Variants in TMEM178B observed in about 807,000 individuals in gnomAD.
TMEM178B encodes the protein transmembrane protein 178B.
In TMEM178B, 5 loss-of-function variants were observed where a neutral mutation model predicts 31.0. The observed-to-expected ratio is 0.16, with a 90% CI of 0.08 to 0.34. TMEM178B has a LOEUF of 0.34. Among genes scored for constraint, TMEM178B ranks in the 10% least tolerant of loss-of-function variants. TMEM178B has a pLI of 1.00. For synonymous variants in TMEM178B, 164 were observed against 164.0 expected, an observed-to-expected ratio of 1.00 and a Z score of 0.00; for missense variants, 275 against 400.3, an observed-to-expected ratio of 0.69 and a Z score of 2.67.
chr7:141,372,185 A>C (rs1319900033), intron 2 of TMEM178B, among the ~76,000 whole-genome samples: 2 of 152,146 alleles, frequency 1.3e-5, no homozygotes. Flanking sequence ...AATGACTTCC[A>C]CATTGCTAAT....
chr7:141,501,842 C>G, the TMEM178B span, among the ~76,000 whole-genome samples: 1 of 148,462 alleles, frequency 6.7e-6, no homozygotes, highest in South Asian at 2.1e-4. Flanking sequence ...GAATCAGTCT[C>G]TCATGCTCTC....
intron 2 of TMEM178B, among the ~76,000 whole-genome samples, chr7:141,315,855 A>G (rs1798995905): frequency 6.6e-6 from 1 of 152,192 alleles, no homozygotes; most frequent in Admixed American, 6.5e-5. Flanking sequence ...TCAAAGAGCT[A>G]TTTTACAAAC....
At chr7:141,441,286 C>T (rs1801652025) in intron 3 of TMEM178B, among the ~76,000 whole-genome samples, 2 of 152,350 alleles carry the variant, frequency 1.3e-5, no homozygotes, top group South Asian at 4.1e-4. Context: ...AGCACCACCC[C>T]TCTCAGAACC....
chr7:141,272,983 C>T (rs1206490955), intron 2 of TMEM178B, among the ~76,000 whole-genome samples: 2 of 152,132 alleles, frequency 1.3e-5, no homozygotes, highest in Admixed American at 6.6e-5. Context: ...TCCATCAATG[C>T]ATGAATAAAG....
At chr7:141,113,384 A>G (rs935886777) in intron 1 of TMEM178B, among the ~76,000 whole-genome samples, 5 of 152,164 alleles carry the variant, frequency 3.3e-5, no homozygotes, top group Admixed American at 6.5e-5. Context: ...CTTGCACACC[A>G]TCAGACTTGA....
intron 2 of TMEM178B, among the ~76,000 whole-genome samples, chr7:141,418,593 A>G (rs1196160410): frequency 6.6e-6 from 1 of 152,066 alleles, no homozygotes; most frequent in Non-Finnish European, 1.5e-5. Context: ...TTTGCCCTAC[A>G]CTTTTAGGTC....
At chr7:141,288,195 CTT>C (rs35802402) in intron 2 of TMEM178B, among the ~76,000 whole-genome samples, 14,825 of 149,634 alleles carry the variant, frequency 0.099, 1,076 homozygotes, top group African/African-American at 0.2. Flanking sequence ...TGCCTCTACT[CTT>C]TTTTTTTTTC....
chr7:141,186,002 T>A (rs950665752), intron 1 of TMEM178B, among the ~76,000 whole-genome samples: 1 of 152,212 alleles, frequency 6.6e-6, no homozygotes, highest in East Asian at 1.9e-4. Flanking sequence ...TCTCTCCTTT[T>A]GAAACTTCAA....
intron 1 of TMEM178B, among the ~76,000 whole-genome samples, chr7:141,128,997 A>G (rs1384009042): frequency 6.6e-6 from 1 of 152,240 alleles, no homozygotes; most frequent in African/African-American, 2.4e-5. Context: ...TAAATTAAAA[A>G]TTAGAGTCTA....
intron 1 of TMEM178B, among the ~76,000 whole-genome samples, chr7:141,103,895 G>T (rs1379468625): frequency 1.3e-5 from 2 of 152,106 alleles, no homozygotes; most frequent in Non-Finnish European, 2.9e-5. Flanking sequence ...AAGAAAACAG[G>T]GTTGATTGGA....
intron 2 of TMEM178B, among the ~76,000 whole-genome samples, chr7:141,222,048 G>T (rs528993942): frequency 6.6e-6 from 1 of 150,508 alleles, no homozygotes; most frequent in Admixed American, 6.6e-5. Flanking sequence ...GGTCAGAGAA[G>T]GGTCAGGGCA....
rs760739230 is a variant in TMEM178B, at chr7:141,115,116, C to T, written c.382+40424C>T. On this transcript the variant is annotated intron_variant, in intron 1 of 3. Coordinates refer to ENST00000565468, the MANE Select transcript of TMEM178B (RefSeq NM_001195278.2). Reference sequence around the variant, plus strand: ...GGAATGCAGTGGCGTGATCTTGGCTCACTGCAACCTCCGCCTCCTGGGTTC... The same window carrying T: ...GGAATGCAGTGGCGTGATCTTGGCTTACTGCAACCTCCGCCTCCTGGGTTC... 2.6e-5 allele frequency among the ~76,000 whole-genome samples: 4 copies of T among 152,216 alleles called. No homozygotes were observed. The East Asian group carries it at 7.7e-4, about 29-fold the overall frequency.
the TMEM178B span, among the ~76,000 whole-genome samples, chr7:141,504,396 T>A: frequency 1.3e-4 from 20 of 152,206 alleles, no homozygotes; most frequent in Non-Finnish European, 2.9e-4. Context: ...ACAATTTAAC[T>A]GGTCATTTTA....
In TMEM178B at chr7:141,299,008, G is replaced by A. The variant is rs554551950; in HGVS notation, c.496+86304G>A. 2.6e-5 allele frequency among the ~76,000 whole-genome samples: 4 copies of A among 152,234 alleles called. No homozygotes were observed. The East Asian group carries it at 7.7e-4, about 29-fold the overall frequency. ...GGGATTTTGTCTGCAGGAGATGGGA[G>A]TAGAAGGCTGTTTCTGGGAGGGGTG... On this transcript the variant is annotated intron_variant, in intron 2 of 3. Transcript: ENST00000565468.
At chr7:141,436,891 T>C (rs1801553839) in intron 2 of TMEM178B, among the ~76,000 whole-genome samples, 2 of 152,150 alleles carry the variant, frequency 1.3e-5, no homozygotes, top group Admixed American at 1.3e-4. Flanking sequence ...AAAGCGGGGC[T>C]GACCCGGGGG....
intron 2 of TMEM178B, among the ~76,000 whole-genome samples, chr7:141,233,694 CT>C: frequency 6.6e-6 from 1 of 152,166 alleles, no homozygotes; most frequent in African/African-American, 2.4e-5. Flanking sequence ...TTGACATGGA[CT>C]TTTGCTGGTC....
At chr7:141,183,903 G>A (rs1184345120) in intron 1 of TMEM178B, among the ~76,000 whole-genome samples, 2 of 152,232 alleles carry the variant, frequency 1.3e-5, no homozygotes, top group African/African-American at 2.4e-5. Flanking sequence ...TGGTGTGCAG[G>A]ACAGCCAGGT....
At chr7:141,381,721 G>A (rs919654274) in intron 2 of TMEM178B, among the ~76,000 whole-genome samples, 2 of 152,212 alleles carry the variant, frequency 1.3e-5, no homozygotes, top group African/African-American at 4.8e-5. Flanking sequence ...GGCAAGGATA[G>A]GAGCGACTTT....
intron 2 of TMEM178B, among the ~76,000 whole-genome samples, chr7:141,242,405 T>C (rs1050581231): frequency 5.3e-5 from 8 of 151,504 alleles, no homozygotes; most frequent in African/African-American, 2.0e-4. Flanking sequence ...AAACAAACAA[T>C]ATAAACAGAG....
Sources: allele counts gnomAD v4.1 joint callset (sites outside exome capture counted in the v4.1 genomes callset), GRCh38; gene constraint gnomAD v4.1.1; transcripts MANE v1.5; gene names NCBI Gene and HGNC (gene_info 2026-07-23, HGNC 2026-07-21).